The following ROBO2 variants were observed in gnomAD, a reference collection of about 807,000 sequenced individuals.
ROBO2 encodes roundabout homolog 2.
In ROBO2, 53 loss-of-function variants were observed where a neutral mutation model predicts 160.8. That is an observed-to-expected ratio of 0.33 (90% CI 0.26 to 0.41). ROBO2 has a LOEUF of 0.41. Ranked by LOEUF, ROBO2 falls within the 10% of genes least tolerant of loss-of-function variation. ROBO2 has a pLI of 1.00. For missense variants in ROBO2, 1,577 were observed against 1,722.4 expected, an observed-to-expected ratio of 0.92 and a Z score of 1.49; for synonymous variants, 664 against 611.7, an observed-to-expected ratio of 1.09 and a Z score of -1.26.
At chr3:76,656,954 C>G (rs1028290028) in intron 2 of ROBO2, among the ~76,000 whole-genome samples, 7 of 152,072 alleles carry the variant, frequency 4.6e-5, no homozygotes, top group Non-Finnish European at 8.8e-5. Context: ...TCTATTTAGT[C>G]TTTAACTGGC....
intron 2 of ROBO2, among the ~76,000 whole-genome samples, chr3:76,672,074 A>C (rs1023337182): frequency 3.3e-5 from 5 of 151,784 alleles, no homozygotes; most frequent in African/African-American, 1.2e-4. Context: ...TTACTTCAAC[A>C]AAAAAAAGCT....
chr3:77,031,710 AATTAT>A (rs926256247), intron 2 of ROBO2, among the ~76,000 whole-genome samples: 2 of 147,190 alleles, frequency 1.4e-5, no homozygotes, highest in African/African-American at 2.5e-5. Flanking sequence ...AATACATTAT[AATTAT>A]ATTATTATAT....
In ROBO2 at chr3:76,944,425, C is replaced by CA. The variant is rs200944273; in HGVS notation, c.110-153580dup. Among the ~76,000 whole-genome samples, 300 of 150,778 alleles carry CA rather than the reference C, an allele frequency of 2.0e-3. 2 individuals carry two copies. The highest frequency in any genetic ancestry group is 5.6e-3 in the African/African-American group (232 of 41,110). ...ATAAAACACAATTTTCTTGGCTTTA[C>CA]AAAAAAAAATTGAAATTGCAGTTTT... is the stretch of plus-strand genomic sequence containing the variant. On this transcript the variant is annotated intron_variant, in intron 2 of 26. Coordinates refer to the ROBO2 transcript ENST00000487694.
chr3:77,587,601 G>C (rs775737), intron 16 of ROBO2, among the ~76,000 whole-genome samples: 95,439 of 151,750 alleles, frequency 0.63, 30,212 homozygotes, highest in Middle Eastern at 0.72. Flanking sequence ...CTAATTGACA[G>C]GGGCTCTAGA....
intron 2 of ROBO2, among the ~76,000 whole-genome samples, chr3:76,220,335 A>G (rs892954575): frequency 1.3e-5 from 2 of 151,904 alleles, no homozygotes; most frequent in African/African-American, 4.8e-5. Flanking sequence ...AATAATAATA[A>G]TAAAAGAGAA....
At chr3:76,888,770 C>A (rs1410923841) in intron 2 of ROBO2, among the ~76,000 whole-genome samples, 3 of 152,116 alleles carry the variant, frequency 2.0e-5, no homozygotes, top group African/African-American at 7.2e-5. Context: ...TCAGTACTAG[C>A]AAGAGTTAAG....
intron 1 of ROBO2, among the ~76,000 whole-genome samples, chr3:77,086,850 T>C (rs1343396771): frequency 6.6e-6 from 1 of 152,180 alleles, no homozygotes; most frequent in Non-Finnish European, 1.5e-5. Flanking sequence ...AAATCCTTTC[T>C]ATACTTATAT....
chr3:77,289,407 A>C (rs2060888769), intron 2 of ROBO2, among the ~76,000 whole-genome samples: 1 of 151,946 alleles, frequency 6.6e-6, no homozygotes, highest in African/African-American at 2.4e-5. Context: ...TGACGTTTAA[A>C]CGGGGACACT....
chr3:76,019,653 G>C (rs2107656144), intron 2 of ROBO2, among the ~76,000 whole-genome samples: 1 of 151,946 alleles, frequency 6.6e-6, no homozygotes, highest in Middle Eastern at 3.4e-3. Context: ...ATGCGTATCT[G>C]AGAATACTGT....
At chr3:76,069,818 A>C (rs1350666568) in intron 2 of ROBO2, among the ~76,000 whole-genome samples, 1 of 152,142 alleles carries the variant, frequency 6.6e-6, no homozygotes, top group Admixed American at 6.5e-5. Context: ...GAACGAAGGG[A>C]CCGGCTGAAG....
intron 2 of ROBO2, among the ~76,000 whole-genome samples, chr3:76,599,147 G>C (rs1437894453): frequency 1.3e-5 from 2 of 152,112 alleles, no homozygotes; most frequent in African/African-American, 2.4e-5. Context: ...ACAGGGCATT[G>C]ATGTACAGAT....
chr3:76,774,430 A>G (rs1454281090), intron 2 of ROBO2, among the ~76,000 whole-genome samples: 1 of 151,028 alleles, frequency 6.6e-6, no homozygotes, highest in African/African-American at 2.4e-5. Flanking sequence ...CAGTCTTTAT[A>G]GAAATAATTT....
intron 2 of ROBO2, chr3:77,316,761 A>T: frequency 8.8e-7 from 1 of 1,137,102 alleles, no homozygotes; most frequent in Non-Finnish European, 1.3e-6. Context: ...TTCATGCTTG[A>T]AATTTCAGTC....
chr3:76,075,104 C>T (rs558805391), intron 2 of ROBO2, among the ~76,000 whole-genome samples: 22 of 152,024 alleles, frequency 1.4e-4, no homozygotes, highest in South Asian at 1.2e-3. Flanking sequence ...TTTGTTGAAA[C>T]GACATTGCTT....
chr3:77,250,248 C>T (rs1027723744), intron 2 of ROBO2, among the ~76,000 whole-genome samples: 2 of 152,116 alleles, frequency 1.3e-5, no homozygotes, highest in Non-Finnish European at 2.9e-5. Context: ...TTTAGCTCTC[C>T]TCATCTGTAA....
chr3:75,923,135 G>T (rs1947139489), intron 1 of ROBO2, among the ~76,000 whole-genome samples: 2 of 152,152 alleles, frequency 1.3e-5, no homozygotes, highest in Admixed American at 1.3e-4. Context: ...TCTTATAGAG[G>T]AAGGTTTTTT....
intron 2 of ROBO2, among the ~76,000 whole-genome samples, chr3:76,553,099 A>G (rs2083509561): frequency 6.6e-6 from 1 of 152,108 alleles, no homozygotes; most frequent in South Asian, 2.1e-4. Context: ...CATAGTGTCA[A>G]CTCTAGACCT....
intron 2 of ROBO2, among the ~76,000 whole-genome samples, chr3:76,984,021 G>A (rs916545208): frequency 2.0e-5 from 3 of 152,172 alleles, no homozygotes; most frequent in Non-Finnish European, 4.4e-5. Flanking sequence ...GATGGAGTGA[G>A]TGCCAGCAGG....
chr3:77,405,554 A>G (rs756678989), intron 2 of ROBO2, among the ~76,000 whole-genome samples: 5 of 151,994 alleles, frequency 3.3e-5, no homozygotes, highest in Non-Finnish European at 5.9e-5. Context: ...CTAGTGTTTG[A>G]AAATGTTTAG....
Sources: gnomAD v4.1 joint callset for allele counts (sites outside exome capture counted in the v4.1 genomes callset) on GRCh38, gnomAD v4.1.1 for gene constraint, MANE v1.5 for transcripts, NCBI Gene and HGNC (gene_info 2026-07-23, HGNC 2026-07-21) for gene names.